CAPN8: variants seen among roughly 807,000 people sequenced by gnomAD.
CAPN8 encodes calpain-8.
In CAPN8, 87 loss-of-function variants were observed where a neutral mutation model predicts 80.9. That is an observed-to-expected ratio of 1.07 (90% confidence interval 0.90 to 1.28). The LOEUF is 1.28. CAPN8 is among the 50% of genes most tolerant of loss of function. The pLI, the probability that CAPN8 is intolerant of heterozygous loss-of-function variation, is 0.00. For missense variants in CAPN8, 757 were observed against 702.0 expected, an observed-to-expected ratio of 1.08 and a Z score of -0.89; for synonymous variants, 299 against 273.8, an observed-to-expected ratio of 1.09 and a Z score of -0.91.
chr1:223,654,024 TA>T (rs1406096796), intron 2 of CAPN8, among the ~76,000 whole-genome samples: 5 of 152,136 alleles, frequency 3.3e-5, no homozygotes, highest in East Asian at 1.9e-4. Context: ...AAAAACACAG[TA>T]TAGCACAGAT....
intron 9 of CAPN8, chr1:223,616,867 T>G (rs1012007997): frequency 6.6e-6 from 1 of 152,222 alleles, no homozygotes; most frequent in Non-Finnish European, 1.5e-5. Context: ...TAAGAAGCAG[T>G]CCTGCCACAC....
At chr1:223,635,262 C>G (rs561686394) in intron 2 of CAPN8, among the ~76,000 whole-genome samples, 14 of 152,214 alleles carry the variant, frequency 9.2e-5, no homozygotes, top group Non-Finnish European at 1.8e-4. Flanking sequence ...GCCTCCCTTC[C>G]CCCACTTGGT....
intron 14 of CAPN8, among the ~76,000 whole-genome samples, chr1:223,551,865 C>T (rs567655121): frequency 1.2e-4 from 18 of 152,302 alleles, no homozygotes; most frequent in African/African-American, 3.8e-4. Context: ...CCCAAAGTGC[C>T]GGCTTTCCCC....
Position 223,615,955 on chromosome 1 carries a change from C to A in CAPN8, c.1311+15G>T. On this transcript the variant is annotated intron_variant, in intron 10 of 20. Transcript: ENST00000366872. ...ATCAAGTGTATAATGAAGGACAAACCCAGCACAGCAGTACCTGGTAGACGG... is the reference window on the plus strand; with the variant it reads ...ATCAAGTGTATAATGAAGGACAAACACAGCACAGCAGTACCTGGTAGACGG... The A allele has an allele frequency of 6.4e-7, 1 of 1,552,080 alleles. No individual in the cohort carries two copies. The highest frequency in any genetic ancestry group is 2.4e-5 in the East Asian group (1 of 40,926).
At chr1:223,609,709 A>G (rs1656985981) in intron 11 of CAPN8, among the ~76,000 whole-genome samples, 1 of 152,200 alleles carries the variant, frequency 6.6e-6, no homozygotes, top group Non-Finnish European at 1.5e-5. Flanking sequence ...TTCATTCTGC[A>G]GCTGTCTCTG....
At chr1:223,543,991 T>G in intron 19 of CAPN8, 76 bp downstream of exon 19, 1 of 697,202 alleles carries the variant, frequency 1.4e-6, no homozygotes, top group Non-Finnish European at 2.6e-6. Flanking sequence ...TGTCTGGTTC[T>G]GCCCCTTGGC....
At chr1:223,547,965 C>T (rs1656669462) in intron 16 of CAPN8, among the ~76,000 whole-genome samples, 1 of 152,140 alleles carries the variant, frequency 6.6e-6, no homozygotes, top group Non-Finnish European at 1.5e-5. Flanking sequence ...GCTAAAGAGC[C>T]CCAGCCTCAT....
intron 6 of CAPN8, among the ~76,000 whole-genome samples, chr1:223,624,020 G>T (rs1205033931): frequency 6.7e-6 from 1 of 148,836 alleles, no homozygotes; most frequent in African/African-American, 2.5e-5. Flanking sequence ...AAAGAAAAAA[G>T]AAAAGCATAT....
intron 14 of CAPN8, among the ~76,000 whole-genome samples, chr1:223,552,099 C>T (rs1656802219): frequency 6.6e-6 from 1 of 152,182 alleles, no homozygotes; most frequent in Non-Finnish European, 1.5e-5. Flanking sequence ...AACTCAGCCC[C>T]TTATTCATCA....
Position 223,558,681 on chromosome 1 carries a change from G to A in CAPN8, c.1536-514C>T, listed in dbSNP as rs995219074. 3.7e-4 allele frequency among the ~76,000 whole-genome samples: 56 copies of A among 151,806 alleles called. No individual in the cohort carries two copies. In the South Asian group the frequency reaches 9.2e-3, roughly 25 times the overall value. On this transcript the variant is annotated intron_variant, in intron 12 of 20. Coordinates refer to ENST00000366872, the MANE Select transcript of CAPN8 (RefSeq NM_001143962.2). Reference sequence around the variant, plus strand: ...CTGTGTGATTGTGTGGAGTGTGTGCGGTATGTACATGGTGTGTGTGAATGG... The same window carrying A: ...CTGTGTGATTGTGTGGAGTGTGTGCAGTATGTACATGGTGTGTGTGAATGG...
At chr1:223,555,401 C>T (rs1656880654) in intron 13 of CAPN8, among the ~76,000 whole-genome samples, 2 of 152,206 alleles carry the variant, frequency 1.3e-5, no homozygotes, top group East Asian at 1.9e-4. Flanking sequence ...GCTGTTTCCT[C>T]ACCTGCAGAA....
Position 223,622,830 on chromosome 1 carries a change from C to T in CAPN8, c.884G>A (p.Gly295Glu). The T allele has an allele frequency of 6.4e-7, 1 of 1,551,654 alleles. No individual in the cohort carries two copies. The highest frequency in any genetic ancestry group is 8.7e-7 in the Non-Finnish European group (1 of 1,146,936). The change falls in exon 7 of 21, where the codon GGA becomes GAA. Residue 295 changes from glycine (G) to glutamate (E), a missense_variant. By Grantham distance (98) the Gly-to-Glu change is moderately conservative. Coordinates refer to ENST00000366872, the MANE Select transcript of CAPN8 (RefSeq NM_001143962.2). ...RNPWGEVEWS[G>E]AWSDDAPEWN... ...AAAAACCTACTCATCGCTCCAGGCT[C>T]CCGACCACTCCACTTCACCCCATGG...
At chr1:223,656,006 G>A (rs746285303) in intron 1 of CAPN8, among the ~76,000 whole-genome samples, 1 of 152,200 alleles carries the variant, frequency 6.6e-6, no homozygotes, top group Non-Finnish European at 1.5e-5. Context: ...AGGGTGGGCT[G>A]AGGGCAGATG....
At chr1:223,609,658 C>T (rs1223635930) in intron 11 of CAPN8, among the ~76,000 whole-genome samples, 1 of 152,172 alleles carries the variant, frequency 6.6e-6, no homozygotes, top group Admixed American at 6.5e-5. Context: ...GTGCGCTCAG[C>T]TTCTCTCTGG....
At chr1:223,650,172 A>T (rs1365834467) in intron 2 of CAPN8, among the ~76,000 whole-genome samples, 1 of 152,168 alleles carries the variant, frequency 6.6e-6, no homozygotes, top group East Asian at 1.9e-4. Context: ...AGGGGGAAAG[A>T]TGCCAGGGTC....
chr1:223,550,038 T>C (rs1453836655), intron 15 of CAPN8, among the ~76,000 whole-genome samples: 1 of 152,188 alleles, frequency 6.6e-6, no homozygotes, highest in Non-Finnish European at 1.5e-5. Context: ...ACACAGCCAC[T>C]CAATGACAGC....
intron 2 of CAPN8, among the ~76,000 whole-genome samples, chr1:223,648,822 A>G (rs1291226343): frequency 1.3e-5 from 2 of 152,238 alleles, no homozygotes; most frequent in Admixed American, 1.3e-4. Flanking sequence ...AAAGGGGGTT[A>G]GAAGAGAAAA....
chr1:223,643,518 T>C (rs1658101640), intron 2 of CAPN8, among the ~76,000 whole-genome samples: 1 of 152,056 alleles, frequency 6.6e-6, no homozygotes, highest in Non-Finnish European at 1.5e-5. Context: ...GCTGGGAAAA[T>C]ATCCTGAGTA....
chr1:223,656,684 T>G (rs138829997), intron 1 of CAPN8, among the ~76,000 whole-genome samples: 7,780 of 127,978 alleles, frequency 0.061, 419 homozygotes, highest in Non-Finnish European at 0.075. Context: ...TTGTTTTGTT[T>G]TTTTTTTTTT....
Sources: gnomAD v4.1 joint callset for allele counts (sites outside exome capture counted in the v4.1 genomes callset) on GRCh38, gnomAD v4.1.1 for gene constraint, MANE v1.5 for transcripts, NCBI Gene and HGNC (gene_info 2026-07-23, HGNC 2026-07-21) for gene names.